TYW1: variants seen among roughly 807,000 people sequenced by gnomAD.
TYW1 encodes the protein tRNA-yW synthesizing protein 1 homolog.
In TYW1, 46 loss-of-function variants were observed where a neutral mutation model predicts 96.2. The ratio of observed to expected loss-of-function variants is 0.48; its 90% CI spans 0.38 to 0.61. TYW1 has a LOEUF of 0.61. Among genes scored for constraint, TYW1 ranks in the 20% least tolerant of loss-of-function variants. The pLI is 0.00. For missense variants in TYW1, 684 were observed against 909.6 expected (o/e 0.75, Z 3.19); for synonymous variants, 274 against 323.0 (o/e 0.85, Z 1.63).
chr7:67,196,553 A>G (rs1800400472), intron 15 of TYW1, among the ~76,000 whole-genome samples: 1 of 152,156 alleles, frequency 6.6e-6, no homozygotes, highest in Non-Finnish European at 1.5e-5. Context: ...TGTTTTAGAT[A>G]TGTGATTTAA....
intron 13 of TYW1, among the ~76,000 whole-genome samples, chr7:67,179,860 TA>T (rs1404076857): frequency 7.3e-5 from 8 of 109,836 alleles, no homozygotes; most frequent in East Asian, 2.1e-4. Flanking sequence ...TATATATATA[TA>T]TATATTTTTT....
intron 4 of TYW1, among the ~76,000 whole-genome samples, chr7:67,013,120 CT>C (rs535642821): frequency 0.094 from 13,270 of 141,326 alleles, 646 homozygotes; most frequent in Non-Finnish European, 0.12. Context: ...CTTTTCTTTT[CT>C]TTTTTTTTTT....
chr7:67,236,341 C>A (rs1801890188), intron 15 of TYW1, among the ~76,000 whole-genome samples: 1 of 152,210 alleles, frequency 6.6e-6, no homozygotes, highest in Non-Finnish European at 1.5e-5. Context: ...GAAGCCACAG[C>A]TGGAATCAGA....
At chr7:67,113,794 T>C (rs1478268750) in intron 12 of TYW1, among the ~76,000 whole-genome samples, 2 of 152,046 alleles carry the variant, frequency 1.3e-5, no homozygotes, top group Admixed American at 1.3e-4. Context: ...TGCGCCACCA[T>C]GCCTGGCTAA....
At chr7:67,045,189 G>T (rs1358120108) in intron 7 of TYW1, among the ~76,000 whole-genome samples, 1 of 151,886 alleles carries the variant, frequency 6.6e-6, no homozygotes, top group Non-Finnish European at 1.5e-5. Flanking sequence ...TGAATTAAGT[G>T]GTATCGTATG....
chr7:67,051,673 G>T (rs1584503596), intron 8 of TYW1, among the ~76,000 whole-genome samples: 1 of 150,886 alleles, frequency 6.6e-6, no homozygotes, highest in African/African-American at 2.4e-5. Flanking sequence ...TATTCATGTA[G>T]ATCTGTGTTC....
At position 67,017,930 on chromosome 7, in the gene TYW1, C is replaced by T. The variant is rs751810371; in HGVS notation, c.648C>T (p.Asp216=). Residue 216 remains aspartate (D), a synonymous_variant, in exon 6 of 16, where the codon GAC becomes GAT. Transcript: ENST00000359626. ...RVMSRGEGDC[D]VVKSKHGSIE... ...TGAGTCGAGGGGAGGGCGACTGCGA[C>T]GTGGTTAAAAGCAAGCACGGCAGCA... 7 of 1,613,946 alleles carry T rather than the reference C, an allele frequency of 4.3e-6. No homozygotes were observed. The highest frequency in any genetic ancestry group is 2.2e-5 in the South Asian group (2 of 91,078).
At chr7:67,231,900 ATTGGGTCTTATGGACT>A (rs927311736) in intron 15 of TYW1, among the ~76,000 whole-genome samples, 3 of 151,370 alleles carry the variant, frequency 2.0e-5, no homozygotes, top group Admixed American at 2.0e-4. Flanking sequence ...AAAGTTTTAA[ATTGGGTCTTATGGACT>A]AGTTCTTTAA....
chr7:67,145,179 C>T (rs1378436589), intron 13 of TYW1, among the ~76,000 whole-genome samples: 2 of 128,516 alleles, frequency 1.6e-5, no homozygotes, highest in African/African-American at 3.1e-5. Flanking sequence ...AAACGAGTCT[C>T]GCTCTCTCTC....
chr7:67,180,101 A>C (rs1335623863), intron 13 of TYW1, among the ~76,000 whole-genome samples: 1 of 131,926 alleles, frequency 7.6e-6, no homozygotes, highest in Non-Finnish European at 1.6e-5. Flanking sequence ...TGCTGAGATT[A>C]CAGGCGTGAG....
chr7:67,229,260 G>A (rs1181978490), intron 15 of TYW1, among the ~76,000 whole-genome samples: 3 of 152,102 alleles, frequency 2.0e-5, no homozygotes, highest in Non-Finnish European at 4.4e-5. Flanking sequence ...AATATAGGCC[G>A]GGTGCGGTGG....
intron 12 of TYW1, among the ~76,000 whole-genome samples, chr7:67,115,963 G>A (rs1259675615): frequency 6.6e-6 from 1 of 152,100 alleles, no homozygotes; most frequent in Non-Finnish European, 1.5e-5. Context: ...GTTTTTTCTA[G>A]TTCTAAATTT....
In TYW1 at chr7:67,179,846, AAT is replaced by A. The variant is rs748335778; in HGVS notation, c.1699-3261_1699-3260del. Reference sequence around the variant, plus strand: ...GCTATTTCATAATTTAATCATTAGGAATATATATATATATATATATTTTTTTT... The same window carrying A: ...GCTATTTCATAATTTAATCATTAGGAATATATATATATATATATTTTTTTT... On this transcript the variant is annotated intron_variant, in intron 13 of 15. Coordinates refer to ENST00000359626, the MANE Select transcript of TYW1 (RefSeq NM_018264.4). Among the ~76,000 whole-genome samples, 74 of 116,066 alleles carry A rather than the reference AAT, an allele frequency of 6.4e-4. 3 individuals are homozygous for A. The highest frequency in any genetic ancestry group is 2.1e-3 in the East Asian group (10 of 4,852). The allele number at this position is 116,066 out of a possible 152,430, so 76.1% of individuals were successfully genotyped here. A position where few individuals can be genotyped will look rare whatever the true frequency, so the allele number is the denominator to read the frequency against.
intron 15 of TYW1, among the ~76,000 whole-genome samples, chr7:67,219,696 C>T (rs1302195048): frequency 7.2e-6 from 1 of 138,914 alleles, no homozygotes; most frequent in African/African-American, 2.8e-5. Flanking sequence ...TACACTCTTA[C>T]AGTTTTTTTT....
chr7:67,009,477 A>G, intron 3 of TYW1, 106 bp from the exon 4 acceptor site: 3 of 972,486 alleles, frequency 3.1e-6, no homozygotes, highest in Non-Finnish European at 3.1e-6. Flanking sequence ...TCAGTCACTG[A>G]AAATATTTTT....
At chr7:67,152,837 G>T (rs932415091) in intron 13 of TYW1, among the ~76,000 whole-genome samples, 3 of 152,090 alleles carry the variant, frequency 2.0e-5, no homozygotes, top group South Asian at 2.1e-4. Context: ...CTGACCTCTG[G>T]TGATCCGCCT....
chr7:67,051,732 G>GTTTTTTTTTTTTTTTTTTTTTTT (rs201852688), intron 8 of TYW1, among the ~76,000 whole-genome samples: 1 of 123,960 alleles, frequency 8.1e-6, no homozygotes. Context: ...TTGTTTTTTT[G>GTTTTTTTTTTTTTTTTTTTTTTT]TTTTTTTTTT....
chr7:67,028,770 T>C (rs1794544689), intron 7 of TYW1, among the ~76,000 whole-genome samples: 1 of 152,054 alleles, frequency 6.6e-6, no homozygotes, highest in Admixed American at 6.6e-5. Context: ...GCAGGCCCAG[T>C]TGTATGAATT....
At chr7:67,025,485 C>T (rs1794420388) in intron 7 of TYW1, among the ~76,000 whole-genome samples, 1 of 151,970 alleles carries the variant, frequency 6.6e-6, no homozygotes, top group African/African-American at 2.4e-5. Context: ...AGATTTTATT[C>T]AGGGCTATTT....
Sources: allele counts gnomAD v4.1 joint callset (sites outside exome capture counted in the v4.1 genomes callset), GRCh38; gene constraint gnomAD v4.1.1; transcripts MANE v1.5; gene names NCBI Gene and HGNC (gene_info 2026-07-23, HGNC 2026-07-21).